Variants in RAB23 observed in about 807,000 individuals in gnomAD.
RAB23 encodes RAB23, member RAS oncogene family.
In RAB23, 15 loss-of-function variants were observed where a neutral mutation model predicts 30.0. The ratio of observed to expected loss-of-function variants is 0.50; its 90% CI spans 0.33 to 0.77. RAB23 has a LOEUF of 0.77. Ranked by LOEUF, RAB23 falls within the 30% of genes least tolerant of loss-of-function variation. The probability of loss-of-function intolerance (pLI) is 0.02; values close to 1 mark genes in which losing one functional copy is unlikely to be tolerated. For synonymous variants in RAB23, 93 were observed against 94.0 expected, an observed-to-expected ratio of 0.99 and a Z score of 0.06; for missense variants, 243 against 275.4, an observed-to-expected ratio of 0.88 and a Z score of 0.83.
intron 1 of RAB23, among the ~76,000 whole-genome samples, chr6:57,219,950 C>T (rs1399700636): frequency 6.6e-6 from 1 of 152,162 alleles, no homozygotes; most frequent in Non-Finnish European, 1.5e-5. Flanking sequence ...AAAAACATTG[C>T]TGTCTGAAAG....
rs1593207365 is a variant in RAB23 at position 57,193,909 on chromosome 6, G to A, written c.507C>T (p.Tyr169=). 6.2e-7 allele frequency: 1 copy of A among 1,612,502 alleles called. No individual in the cohort carries two copies. The highest frequency in any genetic ancestry group is 1.1e-5 in the South Asian group (1 of 90,976). The change falls in exon 6 of 7, where the codon TAC becomes TAT. Residue 169 remains tyrosine, a synonymous_variant. Transcript: ENST00000468148. The part of the protein sequence containing the change: ...NEVFKYLAEK[Y]LQKLKQQIAE... ...CTATTTGTTGTTTGAGTTTCTGAAGGTATTTTTCAGCCAAATACTTAAAAA... is the reference window on the plus strand; with the variant it reads ...CTATTTGTTGTTTGAGTTTCTGAAGATATTTTTCAGCCAAATACTTAAAAA...
At chr6:57,190,716 G>T in intron 6 of RAB23, 116 bp from the exon 7 acceptor site, 1 of 1,395,902 alleles carries the variant, frequency 7.2e-7, no homozygotes, top group Non-Finnish European at 1.0e-6. Context: ...CTCTAAAATT[G>T]TAGTAAAATC....
intron 1 of RAB23, among the ~76,000 whole-genome samples, chr6:57,218,854 CAAAA>C (rs752945184): frequency 6.7e-5 from 6 of 89,742 alleles, no homozygotes; most frequent in Admixed American, 1.2e-4. Flanking sequence ...ATTCTGTCTC[CAAAA>C]AAAAAAAAAA....
At chr6:57,208,537 C>T (rs777722250) in intron 2 of RAB23, among the ~76,000 whole-genome samples, 1 of 149,752 alleles carries the variant, frequency 6.7e-6, no homozygotes, top group Non-Finnish European at 1.5e-5. Flanking sequence ...GTCCCAGCTA[C>T]CCAGGAGGCT....
Position 57,188,923 on chromosome 6 carries a change from A to AGAT in RAB23, c.*1535_*1537dup, listed in dbSNP as rs1446738272. 1.3e-5 allele frequency: 2 copies of AGAT among 152,322 alleles called. No homozygotes were observed. The highest frequency in any genetic ancestry group is 1.9e-4 in the East Asian group (1 of 5,190). The allele number at this position is 152,322 out of a possible 1,614,324, so 9.4% of individuals were successfully genotyped here. On this transcript the variant is annotated 3_prime_UTR_variant, in exon 7 of 7. Coordinates refer to ENST00000468148, the MANE Select transcript of RAB23 (RefSeq NM_016277.5). ...AGGGGAGTACAGATGGAAAAACAAA[A>AGAT]GATAAAACACAAAAGGAGTACATAA...
At chr6:57,212,718 CAAAAAAA>C (rs35931979) in intron 1 of RAB23, among the ~76,000 whole-genome samples, 11 of 89,254 alleles carry the variant, frequency 1.2e-4, no homozygotes, top group African/African-American at 8.1e-5. Context: ...CTGTCTCTAC[CAAAAAAA>C]AAAAAAAAAA....
intron 2 of RAB23, among the ~76,000 whole-genome samples, chr6:57,208,989 A>G (rs1371951410): frequency 6.6e-6 from 1 of 152,152 alleles, no homozygotes; most frequent in East Asian, 1.9e-4. Flanking sequence ...TAACATATTT[A>G]TTTTTTCTGT....
chr6:57,220,100 G>A (rs982124353), intron 1 of RAB23, among the ~76,000 whole-genome samples: 1 of 152,168 alleles, frequency 6.6e-6, no homozygotes, highest in African/African-American at 2.4e-5. Context: ...AAATGGGCAA[G>A]AGACTTTGCC....
chr6:57,194,042 C>A lies in RAB23; in HGVS notation c.482-108G>T. On this transcript the variant is annotated intron_variant, in intron 5 of 6. Transcript: ENST00000468148. Reference sequence around the variant, plus strand: ...TACTTACTAAACAAATTTAAAGTTACAATTAGGAGCATACAATCTAGTTAA... The same window carrying A: ...TACTTACTAAACAAATTTAAAGTTAAAATTAGGAGCATACAATCTAGTTAA... 5 of 1,456,096 alleles carry A rather than the reference C, an allele frequency of 3.4e-6. No individual in the cohort carries two copies. The South Asian group carries it at 6.6e-5, about 19-fold the overall frequency. The allele number at this position is 1,456,096 out of a possible 1,614,324, so 90.2% of individuals were successfully genotyped here. A position where few individuals can be genotyped will look rare whatever the true frequency, so the allele number is the denominator to read the frequency against.
chr6:57,205,359 C>T (rs1765423831), intron 3 of RAB23, among the ~76,000 whole-genome samples: 2 of 152,006 alleles, frequency 1.3e-5, no homozygotes, highest in Non-Finnish European at 2.9e-5. Context: ...CAGAATTTCA[C>T]TTTATAAAAA....
chr6:57,196,301 A>G (rs1282580449), intron 4 of RAB23, 149 bp downstream of exon 4: 3 of 896,254 alleles, frequency 3.3e-6, no homozygotes, highest in Non-Finnish European at 5.1e-6. Context: ...GCTCACAGAA[A>G]TTTTAGGTAA....
intron 1 of RAB23, among the ~76,000 whole-genome samples, chr6:57,219,114 AC>A (rs1765956939): frequency 6.6e-6 from 1 of 152,146 alleles, no homozygotes. Flanking sequence ...CAAAAACCAA[AC>A]CCTGAACTAA....
At chr6:57,200,129 A>T (rs1198966763) in intron 3 of RAB23, among the ~76,000 whole-genome samples, 1 of 152,132 alleles carries the variant, frequency 6.6e-6, no homozygotes, top group Non-Finnish European at 1.5e-5. Context: ...TTATTTGCAG[A>T]ATTTAGAAAG....
intron 2 of RAB23, among the ~76,000 whole-genome samples, 180 bp from the exon 3 acceptor site, chr6:57,207,893 G>A (rs1765506285): frequency 6.6e-6 from 1 of 152,162 alleles, no homozygotes; most frequent in South Asian, 2.1e-4. Flanking sequence ...ATTGTAAGCT[G>A]AAAATTAGGA....
chr6:57,209,281 G>T (rs1765562215), intron 2 of RAB23, among the ~76,000 whole-genome samples: 2 of 152,138 alleles, frequency 1.3e-5, no homozygotes, highest in African/African-American at 4.8e-5. Context: ...TACAAATACT[G>T]ATTCTGGGGT....
chr6:57,199,335 C>T (rs1021883655), intron 3 of RAB23, among the ~76,000 whole-genome samples: 2 of 152,160 alleles, frequency 1.3e-5, no homozygotes, highest in East Asian at 3.9e-4. Flanking sequence ...GAGACTGAGC[C>T]CCAGTGGCCC....
At chr6:57,211,698 T>A (rs1055579749) in intron 1 of RAB23, among the ~76,000 whole-genome samples, 4 of 152,204 alleles carry the variant, frequency 2.6e-5, no homozygotes, top group African/African-American at 9.7e-5. Flanking sequence ...ATAAATATCT[T>A]ACACCACACA....
intron 1 of RAB23, among the ~76,000 whole-genome samples, chr6:57,221,076 G>A (rs113762097): frequency 9.6e-4 from 146 of 152,150 alleles, no homozygotes; most frequent in African/African-American, 3.4e-3. Context: ...TTAACATTTT[G>A]CTAATGCGGT....
At chr6:57,220,938 C>T (rs542074643) in intron 1 of RAB23, among the ~76,000 whole-genome samples, 1 of 152,144 alleles carries the variant, frequency 6.6e-6, no homozygotes, top group South Asian at 2.1e-4. Flanking sequence ...CGGACTCTTG[C>T]TTTTCAGAAA....
Sources: gnomAD v4.1 joint callset for allele counts (sites outside exome capture counted in the v4.1 genomes callset) on GRCh38, gnomAD v4.1.1 for gene constraint, MANE v1.5 for transcripts, NCBI Gene and HGNC (gene_info 2026-07-23, HGNC 2026-07-21) for gene names.